LRRTM3: variants seen among roughly 807,000 people sequenced by gnomAD.
LRRTM3 encodes leucine rich repeat transmembrane neuronal 3, also known as leucine-rich repeat transmembrane neuronal protein 3.
LRRTM3 carries 24 observed loss-of-function variants against 44.7 expected under a neutral mutation model. That is an observed-to-expected ratio of 0.54 (90% confidence interval 0.39 to 0.76). The LOEUF is 0.76. LRRTM3 is among the 30% of genes least tolerant of loss of function. The pLI is 0.00. For synonymous variants in LRRTM3, 277 were observed against 278.7 expected, an observed-to-expected ratio of 0.99 and a Z score of 0.06; for missense variants, 587 against 702.2, an observed-to-expected ratio of 0.84 and a Z score of 1.85.
At chr10:67,041,575 T>C (rs761924957) in intron 2 of LRRTM3, among the ~76,000 whole-genome samples, 13 of 152,126 alleles carry the variant, frequency 8.5e-5, no homozygotes, top group Non-Finnish European at 1.2e-4. Context: ...GACTGGCTCA[T>C]AAAAGCAATG....
At chr10:66,986,803 T>A (rs2132912316) in intron 2 of LRRTM3, among the ~76,000 whole-genome samples, 1 of 152,254 alleles carries the variant, frequency 6.6e-6, no homozygotes, top group East Asian at 1.9e-4. Flanking sequence ...TGATAGTCAA[T>A]CATTTCTCCA....
At chr10:67,030,180 G>T (rs982977026) in intron 2 of LRRTM3, among the ~76,000 whole-genome samples, 6 of 152,198 alleles carry the variant, frequency 3.9e-5, no homozygotes, top group Non-Finnish European at 8.8e-5. Flanking sequence ...GTTTACAAGG[G>T]AAGTCAGACA....
At chr10:67,088,100 T>G (rs1211021309) in intron 2 of LRRTM3, among the ~76,000 whole-genome samples, 2 of 151,466 alleles carry the variant, frequency 1.3e-5, no homozygotes, top group African/African-American at 4.8e-5. Context: ...AGAGAGTAAG[T>G]GAGTGAGTGA....
intron 2 of LRRTM3, among the ~76,000 whole-genome samples, chr10:66,952,472 G>A (rs1366274259): frequency 5.3e-5 from 8 of 152,092 alleles, no homozygotes; most frequent in East Asian, 1.9e-4. Flanking sequence ...AGGGTATGCC[G>A]TCTTGTTTTT....
intron 2 of LRRTM3, among the ~76,000 whole-genome samples, chr10:66,941,020 TA>T (rs936563026): frequency 2.6e-5 from 4 of 151,752 alleles, no homozygotes; most frequent in East Asian, 1.9e-4. Flanking sequence ...TGTAATTTAA[TA>T]AAAAAAAGAA....
intron 2 of LRRTM3, among the ~76,000 whole-genome samples, chr10:67,041,855 GA>G (rs1267555804): frequency 1.1e-4 from 17 of 152,090 alleles, no homozygotes; most frequent in Non-Finnish European, 2.4e-4. Context: ...GTTAAGATAG[GA>G]AATAAGGCTG....
intron 2 of LRRTM3, among the ~76,000 whole-genome samples, chr10:67,078,008 T>C (rs1361934660): frequency 6.6e-6 from 1 of 152,194 alleles, no homozygotes; most frequent in African/African-American, 2.4e-5. Flanking sequence ...TCTGTTACTT[T>C]GGATAATTCT....
intron 2 of LRRTM3, among the ~76,000 whole-genome samples, chr10:67,050,629 G>A (rs1378677311): frequency 3.3e-5 from 5 of 152,188 alleles, no homozygotes; most frequent in Non-Finnish European, 7.3e-5. Context: ...GTACGCTGAG[G>A]CTGATGTGAT....
intron 2 of LRRTM3, among the ~76,000 whole-genome samples, chr10:67,034,351 T>A (rs751462633): frequency 6.6e-6 from 1 of 152,200 alleles, no homozygotes; most frequent in Non-Finnish European, 1.5e-5. Flanking sequence ...CTCACACTTG[T>A]AAGTGATGAG....
Position 67,097,662 on chromosome 10 carries a change from G to C in LRRTM3, c.1612G>C (p.Glu538Gln). 6.2e-7 allele frequency: 1 copy of C among 1,612,688 alleles called. No homozygotes were observed. The highest frequency in any genetic ancestry group is 8.5e-7 in the Non-Finnish European group (1 of 1,179,058). Residue 538 changes from glutamate (E) to glutamine (Q), a missense_variant, in exon 3 of 3, where the codon GAA (glutamate) becomes CAA (glutamine). Around this residue, in one of 3 missense-constraint regions of LRRTM3, gnomAD observed 315 missense variants for 335.6 expected, o/e 0.94. Transcript: ENST00000361320. ...AATAAGTTACTGTGGGGTGCATCAT[G>C]AACTTCTCTCCCATAAGTCCTTTGA... ...PTISYCGVHH[E>Q]LLSHKSFETN...
intron 2 of LRRTM3, among the ~76,000 whole-genome samples, chr10:66,975,261 G>T (rs1317527548): frequency 6.6e-6 from 1 of 152,084 alleles, no homozygotes; most frequent in African/African-American, 2.4e-5. Flanking sequence ...TCTAATAAAG[G>T]TATTCACATA....
chr10:67,014,781 C>A (rs1393895882), intron 2 of LRRTM3, among the ~76,000 whole-genome samples: 1 of 151,836 alleles, frequency 6.6e-6, no homozygotes, highest in Non-Finnish European at 1.5e-5. Flanking sequence ...AGAAAAAAAA[C>A]AGCCATCTCT....
intron 2 of LRRTM3, among the ~76,000 whole-genome samples, chr10:67,070,987 AG>A (rs1291956510): frequency 1.3e-5 from 2 of 152,188 alleles, no homozygotes; most frequent in Admixed American, 6.5e-5. Context: ...TGCATTCTTG[AG>A]TTGGTTCTAT....
intron 2 of LRRTM3, among the ~76,000 whole-genome samples, chr10:67,038,832 A>C (rs987493507): frequency 6.6e-6 from 1 of 152,066 alleles, no homozygotes; most frequent in African/African-American, 2.4e-5. Context: ...AATGCATAAA[A>C]TGAAAACATC....
intron 2 of LRRTM3, among the ~76,000 whole-genome samples, chr10:66,959,214 T>A (rs563840677): frequency 6.6e-6 from 1 of 152,192 alleles, no homozygotes; most frequent in Admixed American, 6.5e-5. Context: ...CAATCTTTTA[T>A]TCTCTTCAAA....
intron 2 of LRRTM3, among the ~76,000 whole-genome samples, chr10:67,001,451 T>G: frequency 2.1e-5 from 3 of 145,404 alleles, no homozygotes; most frequent in African/African-American, 5.1e-5. Flanking sequence ...AAGACAGGGG[T>G]GGGGGACAGA....
intron 2 of LRRTM3, among the ~76,000 whole-genome samples, chr10:66,965,943 C>A (rs1030170481): frequency 1.3e-5 from 2 of 152,114 alleles, no homozygotes. Flanking sequence ...TTTGCAAGCA[C>A]TATATAAGTC....
rs565682732 is a variant in LRRTM3, at chr10:67,100,812, G to A, written c.*3016G>A. On this transcript the variant is annotated 3_prime_UTR_variant, in exon 3 of 3. Transcript: ENST00000361320. Reference sequence around the variant, plus strand: ...GACACATTAATCTCAAAGAAATTGAGCTCTTACCCCAAAACACAGGGCCAA... The same window carrying A: ...GACACATTAATCTCAAAGAAATTGAACTCTTACCCCAAAACACAGGGCCAA... Among the ~76,000 whole-genome samples the A allele has an allele frequency of 6.6e-6, 1 of 151,688 alleles. No homozygotes were observed. Among genetic ancestry groups the A allele is most frequent in the South Asian group, 2.1e-4 (1 of 4,812 alleles).
chr10:67,077,817 GAATT>G (rs1350374869), intron 2 of LRRTM3, among the ~76,000 whole-genome samples: 3 of 151,908 alleles, frequency 2.0e-5, no homozygotes, highest in Admixed American at 1.3e-4. Context: ...TTAAATGAAT[GAATT>G]AATAAAGAGA....
Sources: allele counts gnomAD v4.1 joint callset (sites outside exome capture counted in the v4.1 genomes callset), GRCh38; gene constraint gnomAD v4.1.1; regional missense constraint gnomAD v4.1.1; transcripts MANE v1.5; gene names NCBI Gene and HGNC (gene_info 2026-07-23, HGNC 2026-07-21).